Variants in SSH2 observed in about 807,000 individuals in gnomAD.
SSH2 encodes the protein protein phosphatase Slingshot homolog 2.
In SSH2, 37 loss-of-function variants were observed where a neutral mutation model predicts 135.2. The ratio of observed to expected loss-of-function variants is 0.27; its 90% CI spans 0.21 to 0.36. The LOEUF (loss-of-function observed/expected upper bound fraction) is 0.36, where lower values mean the gene tolerates loss of function less well. SSH2 is among the 10% of genes least tolerant of loss of function. The probability of loss-of-function intolerance (pLI) is 1.00; values close to 1 mark genes in which losing one functional copy is unlikely to be tolerated. For missense variants in SSH2, 1,408 were observed against 1,765.3 expected, an observed-to-expected ratio of 0.80 and a Z score of 3.63; for synonymous variants, 628 against 646.2, an observed-to-expected ratio of 0.97 and a Z score of 0.43.
rs756131175 is a variant in SSH2, at chr17:29,636,189, T to C, written c.2041A>G (p.Ser681Gly). Residue 681 changes from serine (S) to glycine (G), a missense_variant, in exon 15 of 16, where the codon AGT (serine) becomes GGT (glycine). By Grantham distance (56) the Ser-to-Gly change is moderately conservative (BLOSUM62 0). Around this residue, in one of 3 missense-constraint regions of SSH2, gnomAD observed 1,080 missense variants for 1,144.5 expected, o/e 0.94. Coordinates refer to ENST00000540801, the MANE Select transcript of SSH2 (RefSeq NM_001282129.2). The part of the protein sequence containing the change: ...DFSTDRIDFF[S>G]ALEKFVELSQ... The stretch of plus-strand genomic sequence containing the variant: ...AGCTCCACAAACTTCTCTAGGGCAC[T>C]AAAAAAGTCAATGCGATCTGTACTG... 1 of 1,614,102 alleles carries C rather than the reference T, an allele frequency of 6.2e-7. No individual in the cohort carries two copies. Among genetic ancestry groups the C allele is most frequent in the Non-Finnish European group, 8.5e-7 (1 of 1,180,020 alleles).
intron 3 of SSH2, among the ~76,000 whole-genome samples, chr17:29,730,969 T>G (rs754614268): frequency 3.3e-5 from 5 of 152,212 alleles, no homozygotes; most frequent in Non-Finnish European, 5.9e-5. Flanking sequence ...TTTCCATAAA[T>G]GGACTTACAG....
At chr17:29,752,201 T>G (rs9909545) in intron 3 of SSH2, among the ~76,000 whole-genome samples, 10,961 of 152,192 alleles carry the variant, frequency 0.072, 1,280 homozygotes, top group African/African-American at 0.25. Flanking sequence ...GATAAGCTGA[T>G]TCTAAGATTT....
At chr17:29,795,618 G>A (rs2042143275) in intron 2 of SSH2, among the ~76,000 whole-genome samples, 1 of 152,158 alleles carries the variant, frequency 6.6e-6, no homozygotes, top group Non-Finnish European at 1.5e-5. Flanking sequence ...GTAAATGTTA[G>A]ATTTTTGTGC....
At chr17:29,793,241 G>A (rs1483728695) in intron 3 of SSH2, among the ~76,000 whole-genome samples, 1 of 151,978 alleles carries the variant, frequency 6.6e-6, no homozygotes, top group Non-Finnish European at 1.5e-5. Context: ...ACTGGGTACT[G>A]GCACCCTTCT....
At chr17:29,701,656 C>T (rs992551964) in intron 4 of SSH2, among the ~76,000 whole-genome samples, 3 of 151,980 alleles carry the variant, frequency 2.0e-5, no homozygotes, top group East Asian at 1.9e-4. Context: ...CTGTAACCTT[C>T]GCTTCCCAGG....
intron 3 of SSH2, among the ~76,000 whole-genome samples, chr17:29,749,982 T>C (rs112367496): frequency 0.076 from 11,613 of 152,054 alleles, 555 homozygotes; most frequent in Non-Finnish European, 0.11. Flanking sequence ...TCTGCTCACC[T>C]TGGCCTCCCG....
At chr17:29,724,552 C>T (rs1366259153) in intron 3 of SSH2, among the ~76,000 whole-genome samples, 1 of 103,686 alleles carries the variant, frequency 9.6e-6, no homozygotes, top group Non-Finnish European at 2.1e-5. Context: ...AAAAACAAAA[C>T]CCTATTCTAA....
intron 1 of SSH2, among the ~76,000 whole-genome samples, chr17:29,854,241 T>C (rs559360029): frequency 6.6e-6 from 1 of 152,090 alleles, no homozygotes; most frequent in South Asian, 2.1e-4. Context: ...CCATTTATTG[T>C]ACCCCTACTG....
rs1555543500 is a variant in SSH2 at position 29,913,347 on chromosome 17, A to AATTATAT, written c.63+16590_63+16591insATATAAT. Among the ~76,000 whole-genome samples, 15 of 28,776 alleles carry AATTATAT rather than the reference A, an allele frequency of 5.2e-4. 2 individuals are homozygous for AATTATAT. The highest frequency in any genetic ancestry group is 2.2e-3 in the Admixed American group (3 of 1,364). The allele number at this position is 28,776 out of a possible 152,430, so 18.9% of individuals were successfully genotyped here. ...AAAAAAAAAAAAAAAAAAAAAAAAAAATATATATATATATATATATATATA... is the reference window on the plus strand; with the variant it reads ...AAAAAAAAAAAAAAAAAAAAAAAAAAATTATATATATATATATATATATATATATATA... On this transcript the variant is annotated intron_variant, in intron 1 of 15. Coordinates refer to ENST00000540801, the MANE Select transcript of SSH2 (RefSeq NM_001282129.2).
chr17:29,702,863 G>A (rs2039043480), intron 4 of SSH2, 96 bp downstream of exon 4: 2 of 995,216 alleles, frequency 2.0e-6, no homozygotes, highest in African/African-American at 3.2e-5. Context: ...CACCATTAAA[G>A]AACTTCTGAA....
chr17:29,889,736 A>G (rs1666057121), intron 1 of SSH2, among the ~76,000 whole-genome samples: 1 of 151,232 alleles, frequency 6.6e-6, no homozygotes, highest in African/African-American at 2.4e-5. Context: ...TAATAAAAAG[A>G]CAAAAAGTCC....
chr17:29,763,789 C>T (rs1447662417), intron 3 of SSH2, among the ~76,000 whole-genome samples: 1 of 152,136 alleles, frequency 6.6e-6, no homozygotes, highest in Non-Finnish European at 1.5e-5. Flanking sequence ...GTGCATAGTC[C>T]TTTCCTTTCT....
intron 2 of SSH2, among the ~76,000 whole-genome samples, chr17:29,833,402 C>T (rs2042882063): frequency 6.6e-6 from 1 of 151,826 alleles, no homozygotes; most frequent in African/African-American, 2.4e-5. Context: ...GTATAGCTAC[C>T]CTTGCTCTTT....
intron 1 of SSH2, among the ~76,000 whole-genome samples, chr17:29,896,756 T>A (rs1235270139): frequency 1.3e-5 from 2 of 151,668 alleles, no homozygotes; most frequent in Non-Finnish European, 2.9e-5. Flanking sequence ...CTCAACCTAT[T>A]TAATATTACA....
At chr17:29,724,683 G>A (rs918333886) in intron 3 of SSH2, among the ~76,000 whole-genome samples, 6 of 146,528 alleles carry the variant, frequency 4.1e-5, no homozygotes, top group South Asian at 2.3e-4. Flanking sequence ...TCCACCTCAC[G>A]GGTTCTAGCA....
intron 1 of SSH2, among the ~76,000 whole-genome samples, chr17:29,912,448 C>CA (rs1167907053): frequency 6.6e-6 from 1 of 152,178 alleles, no homozygotes; most frequent in African/African-American, 2.4e-5. Context: ...GGATTTCAGA[C>CA]AGGCAGAGTG....
Position 29,926,243 on chromosome 17 carries a change from A to G in SSH2, c.63+3695T>C, listed in dbSNP as rs187942048. On this transcript the variant is annotated intron_variant, in intron 1 of 15. Transcript: ENST00000540801. ...CCTCTGGCTCATATCTACTAGATCAATTTTCTTAAAATAGGCCAGGTGTGG... is the reference window on the plus strand; with the variant it reads ...CCTCTGGCTCATATCTACTAGATCAGTTTTCTTAAAATAGGCCAGGTGTGG... Among the ~76,000 whole-genome samples the G allele has an allele frequency of 8.4e-4, 128 of 151,978 alleles. 8 individuals are homozygous for G. In the East Asian group the frequency reaches 0.016, roughly 19 times the overall value.
Position 29,899,979 on chromosome 17 carries a change from A to G in SSH2, c.63+29959T>C, listed in dbSNP as rs935050161. 1.8e-4 allele frequency among the ~76,000 whole-genome samples: 28 copies of G among 152,276 alleles called. 1 individual carries two copies. The highest frequency in any genetic ancestry group is 3.8e-4 in the African/African-American group (16 of 41,568). On this transcript the variant is annotated intron_variant, in intron 1 of 15. Transcript: ENST00000540801. ...ACAGAGCCCTCAGAAATAATGCCAC[A>G]TATCTACAACTATCTGATCTTTGAC...
At chr17:29,657,037 A>T (rs2036810346) in intron 11 of SSH2, among the ~76,000 whole-genome samples, 1 of 151,978 alleles carries the variant, frequency 6.6e-6, no homozygotes, top group Non-Finnish European at 1.5e-5. Context: ...TATGATCCTG[A>T]CTCACTGTAA....
Sources: allele counts gnomAD v4.1 joint callset (sites outside exome capture counted in the v4.1 genomes callset), GRCh38; gene constraint gnomAD v4.1.1; regional missense constraint gnomAD v4.1.1; transcripts MANE v1.5; gene names NCBI Gene and HGNC (gene_info 2026-07-23, HGNC 2026-07-21).